The following PSAP variants were observed in gnomAD, a reference collection of about 807,000 sequenced individuals.
PSAP encodes the protein precursor of saposins.
A neutral mutation model predicts 66.0 loss-of-function variants in PSAP; 25 were observed. That is an observed-to-expected ratio of 0.38 (90% CI 0.28 to 0.53). The LOEUF is 0.53. Among genes scored for constraint, PSAP ranks in the 20% least tolerant of loss-of-function variants. The pLI is 0.83. For missense variants in PSAP, 649 were observed against 668.8 expected (o/e 0.97, Z 0.33); for synonymous variants, 273 against 258.9 (o/e 1.05, Z -0.52).
chr10:71,819,653 G>T, intron 10 of PSAP, 31 bp from the exon 11 acceptor site: 1 of 1,614,038 alleles, frequency 6.2e-7, no homozygotes, highest in South Asian at 1.1e-5. Context: ...CTCAACGCTG[G>T]CAGGGCCCTC....
intron 1 of PSAP, among the ~76,000 whole-genome samples, chr10:71,837,149 C>A (rs999829572): frequency 6.6e-6 from 1 of 152,236 alleles, no homozygotes; most frequent in African/African-American, 2.4e-5. Flanking sequence ...AATTCCAACT[C>A]CTAGAAAGTG....
rs902315961 is a variant in PSAP, at chr10:71,822,258, C to T, written c.778-251G>A. ...GCTCCTAAGGAACATCAAACAGAGT[C>T]TCCATCCAGGGCCACCACGAGGGAG... On this transcript the variant is annotated intron_variant, in intron 7 of 13. Transcript: ENST00000394936. The T allele has an allele frequency of 3.3e-5, 18 of 546,050 alleles. No homozygotes were observed. The Admixed American group carries it at 4.1e-4, about 12-fold the overall frequency. The allele number at this position is 546,050 out of a possible 1,614,324, so 33.8% of individuals were successfully genotyped here. A position where few individuals can be genotyped will look rare whatever the true frequency, so the allele number is the denominator to read the frequency against.
chr10:71,828,189 A>G (rs1158987268), intron 5 of PSAP, 32 bp from the exon 6 acceptor site: 2 of 1,613,730 alleles, frequency 1.2e-6, no homozygotes, highest in East Asian at 4.5e-5. Context: ...TTGCAACTTA[A>G]GAGGACTCAA....
chr10:71,831,245 TCTC>T lies in PSAP; in HGVS notation c.253_255del (p.Glu85del). On this transcript the variant is annotated inframe_deletion, in exon 4 of 14. Transcript: ENST00000394936. ...CAGGTCTTCTCCAAGTAAACAAGGA[TCTC>T]CTCCTACGAGAGGACACCAGGGTCA... is the stretch of plus-strand genomic sequence containing the variant. The T allele has an allele frequency of 6.2e-7, 1 of 1,613,828 alleles. No homozygotes were observed. The highest frequency in any genetic ancestry group is 8.5e-7 in the Non-Finnish European group (1 of 1,179,918).
chr10:71,836,234 G>A (rs1009697238), intron 1 of PSAP, among the ~76,000 whole-genome samples: 1 of 152,172 alleles, frequency 6.6e-6, no homozygotes, highest in East Asian at 1.9e-4. Context: ...AGTTTCCAGG[G>A]GAAAACATGT....
At chr10:71,819,265 A>C in intron 11 of PSAP, 154 bp from the exon 12 acceptor site, 1 of 1,001,132 alleles carries the variant, frequency 1.0e-6, no homozygotes, top group Non-Finnish European at 1.5e-6. Flanking sequence ...CAGACACCCT[A>C]TCTACATTTG....
intron 7 of PSAP, 123 bp from the exon 8 acceptor site, chr10:71,822,130 TC>T (rs999657998): frequency 1.5e-6 from 2 of 1,328,384 alleles, no homozygotes; most frequent in Non-Finnish European, 2.1e-6. Flanking sequence ...TACCTCCCTC[TC>T]CCCCTCCCAC....
At chr10:71,829,508 G>A (rs1406792638) in intron 4 of PSAP, among the ~76,000 whole-genome samples, 2 of 152,196 alleles carry the variant, frequency 1.3e-5, no homozygotes, top group African/African-American at 4.8e-5. Flanking sequence ...CTGCTGCCAT[G>A]TAAGATGTGG....
intron 1 of PSAP, among the ~76,000 whole-genome samples, chr10:71,841,316 A>C (rs1401921178): frequency 6.6e-6 from 1 of 152,270 alleles, no homozygotes; most frequent in East Asian, 1.9e-4. Context: ...TGCAAACCTC[A>C]TTAAAGAAAT....
intron 1 of PSAP, among the ~76,000 whole-genome samples, chr10:71,842,825 T>TA (rs1033954960): frequency 2.0e-5 from 3 of 152,152 alleles, no homozygotes; most frequent in African/African-American, 7.2e-5. Context: ...TCATAACTCC[T>TA]AAAAACAATT....
At chr10:71,851,133 T>C in intron 1 of PSAP, 49 bp downstream of exon 1, 1 of 1,546,692 alleles carries the variant, frequency 6.5e-7, no homozygotes, top group Non-Finnish European at 8.7e-7. Context: ...CTGGGGCAGA[T>C]GGACGCTGCG....
intron 1 of PSAP, among the ~76,000 whole-genome samples, chr10:71,849,891 A>G (rs555767859): frequency 6.6e-6 from 1 of 152,144 alleles, no homozygotes; most frequent in East Asian, 1.9e-4. Flanking sequence ...TTCAATACCT[A>G]TGAGAATTAA....
chr10:71,834,628 A>G (rs1842587274), intron 1 of PSAP, 123 bp from the exon 2 acceptor site: 2 of 1,271,322 alleles, frequency 1.6e-6, no homozygotes, highest in African/African-American at 1.5e-5. Flanking sequence ...GCCCCTCACC[A>G]AGCTGTATGG....
Position 71,819,518 on chromosome 10 carries a change from G to C in PSAP, c.1297C>G (p.Leu433Val), listed in dbSNP as rs761967647. The C allele has an allele frequency of 8.7e-6, 14 of 1,614,110 alleles. No individual in the cohort carries two copies. The highest frequency in any genetic ancestry group is 2.7e-5 in the African/African-American group (2 of 74,932). ...CTGCAGCCTTTCTCAAGAGCAGCCA[G>C]GATCTCCTGCTTGGTGCTGTTTTTC... ...LEKNSTKQEI[L>V]AALEKGCSFL... The change falls in exon 11 of 14, where the codon CTG (leucine) becomes GTG (valine). Residue 433 changes from leucine to valine, a missense_variant. Leu to Val is a conservative substitution (Grantham distance 32). Transcript: ENST00000394936.
rs144042454 is a variant in PSAP, at chr10:71,819,519, G to A, written c.1296C>T (p.Ile432=). Residue 432 remains isoleucine (I), a synonymous_variant, in exon 11 of 14, where the codon ATC becomes ATT. Coordinates refer to ENST00000394936, the MANE Select transcript of PSAP (RefSeq NM_002778.4). ...NLEKNSTKQE[I]LAALEKGCSF... ...TGCAGCCTTTCTCAAGAGCAGCCAGGATCTCCTGCTTGGTGCTGTTTTTCT... is the reference window on the plus strand; with the variant it reads ...TGCAGCCTTTCTCAAGAGCAGCCAGAATCTCCTGCTTGGTGCTGTTTTTCT... 18 of 1,614,100 alleles carry A rather than the reference G, an allele frequency of 1.1e-5. No individual in the cohort carries two copies. The highest frequency in any genetic ancestry group is 1.4e-5 in the Non-Finnish European group (17 of 1,180,050).
At chr10:71,825,722 T>C (rs977156785) in intron 7 of PSAP, 115 bp downstream of exon 7, 6 of 975,620 alleles carry the variant, frequency 6.1e-6, no homozygotes, top group African/African-American at 4.8e-5. Context: ...TTAGCCCAAT[T>C]CAGCACTCTA....
In PSAP at chr10:71,819,580, C is replaced by T. The variant is rs1842252448; in HGVS notation, c.1235G>A (p.Cys412Tyr). 6.2e-7 allele frequency: 1 copy of T among 1,614,114 alleles called. No individual in the cohort carries two copies. The highest frequency in any genetic ancestry group is 1.7e-5 in the Admixed American group (1 of 60,006). Residue 412 changes from cysteine (C) to tyrosine (Y), a missense_variant, in exon 11 of 14, where the codon TGC becomes TAC. Physicochemically the swap from Cys to Tyr is radical, Grantham distance 194. Transcript: ENST00000394936. ...ATCCAAATAACCCACCAGCTTCTTG[C>T]ACACTTCGCAGAAGCCACCGTCCTT... is the stretch of plus-strand genomic sequence containing the variant. ...QPKDGGFCEV[C>Y]KKLVGYLDRN...
chr10:71,817,999 C>T (rs942681748), intron 13 of PSAP, among the ~76,000 whole-genome samples: 1 of 152,188 alleles, frequency 6.6e-6, no homozygotes, highest in Admixed American at 6.5e-5. Context: ...TGCAGTGGTC[C>T]GAAATGACAC....
rs1842551777 is a variant in PSAP at position 71,833,038 on chromosome 10, A to AAAAAAAAAAAAAAAG, written c.175-1119_175-1118insCTTTTTTTTTTTTTT. 1.5e-5 allele frequency among the ~76,000 whole-genome samples: 2 copies of AAAAAAAAAAAAAAAG among 134,586 alleles called. 1 individual carries two copies. Among genetic ancestry groups the AAAAAAAAAAAAAAAG allele is most frequent in the Non-Finnish European group, 3.1e-5 (2 of 63,538 alleles). 88.3% of individuals were successfully genotyped at this position (134,586 alleles called of 152,430 possible). ...TCTCAAAAAAAAAAAAAAACAAAAA[A>AAAAAAAAAAAAAAAG]CAAAAACAGAAGGCCGGGCCATGAC... On this transcript the variant is annotated intron_variant, in intron 2 of 13. Coordinates refer to ENST00000394936, the MANE Select transcript of PSAP (RefSeq NM_002778.4).
Sources: gnomAD v4.1 joint callset for allele counts (sites outside exome capture counted in the v4.1 genomes callset) on GRCh38, gnomAD v4.1.1 for gene constraint, MANE v1.5 for transcripts, NCBI Gene and HGNC (gene_info 2026-07-23, HGNC 2026-07-21) for gene names.